COL19A1: variants seen among roughly 807,000 people sequenced by gnomAD.
COL19A1 encodes collagen alpha-1(XIX) chain.
Under a neutral mutation model 190.2 loss-of-function variants are expected in COL19A1, and 159 were observed. The ratio of observed to expected loss-of-function variants is 0.84; its 90% CI spans 0.73 to 0.95. The LOEUF is 0.95. Ranked by LOEUF, COL19A1 falls within the 40% of genes least tolerant of loss-of-function variation. COL19A1 has a pLI of 0.00. For missense variants in COL19A1, 1,418 were observed against 1,431.9 expected, an observed-to-expected ratio of 0.99 and a Z score of 0.16; for synonymous variants, 509 against 458.9, an observed-to-expected ratio of 1.11 and a Z score of -1.39.
At chr6:70,113,154 C>T (rs765702849) in intron 16 of COL19A1, among the ~76,000 whole-genome samples, 10 of 152,086 alleles carry the variant, frequency 6.6e-5, no homozygotes, top group Non-Finnish European at 1.2e-4. Flanking sequence ...GAAAAGCTAG[C>T]GAGACAAGAC....
rs1205735531 is a variant in COL19A1, at chr6:69,929,672, C to A, written c.638C>A (p.Thr213Lys). 2 of 1,612,970 alleles carry A rather than the reference C, an allele frequency of 1.2e-6. No homozygotes were observed. The highest frequency in any genetic ancestry group is 1.7e-6 in the Non-Finnish European group (2 of 1,179,420). The change falls in exon 6 of 51, where the codon ACG becomes AAG. Residue 213 changes from threonine to lysine, a missense_variant. By Grantham distance (78) the Thr-to-Lys change is moderately conservative. Transcript: ENST00000620364. ...VDFHGRTVIA[T>K]RASDGKPVDI... Reference sequence around the variant, plus strand: ...TTCCATGGACGGACAGTTATTGCTACGCGAGCTTCAGATGGCAAGCCTGTG... The same window carrying A: ...TTCCATGGACGGACAGTTATTGCTAAGCGAGCTTCAGATGGCAAGCCTGTG...
Position 70,023,658 on chromosome 6 carries a change from T to C in COL19A1, c.1058T>C (p.Leu353Pro). The C allele has an allele frequency of 1.2e-6, 2 of 1,611,080 alleles. No homozygotes were observed. Among genetic ancestry groups the C allele is most frequent in the Non-Finnish European group, 1.7e-6 (2 of 1,179,236 alleles). The change falls in exon 12 of 51, where the codon CTG (leucine) becomes CCG (proline). Residue 353 changes from leucine to proline, a missense_variant. Transcript: ENST00000620364. Reference sequence around the variant, plus strand: ...CAAGGAGAAAAAGGAGATCCAGCTCTGGCTGGCCTTAATGGAGAAAATGTA... The same window carrying C: ...CAAGGAGAAAAAGGAGATCCAGCTCCGGCTGGCCTTAATGGAGAAAATGTA... ...GEQGEKGDPA[L>P]AGLNGENGLK...
chr6:70,016,908 A>T (rs1051289067), intron 11 of COL19A1, among the ~76,000 whole-genome samples: 2 of 152,124 alleles, frequency 1.3e-5, no homozygotes, highest in Admixed American at 6.6e-5. Flanking sequence ...TACACTGCTG[A>T]TGGGAATGTA....
chr6:70,171,860 T>C (rs971426295), intron 40 of COL19A1, 104 bp from the exon 41 acceptor site: 47 of 876,416 alleles, frequency 5.4e-5, no homozygotes, highest in Non-Finnish European at 8.4e-5. Flanking sequence ...TACACATCAA[T>C]GTTTGGGGTG....
intron 2 of COL19A1, among the ~76,000 whole-genome samples, chr6:69,893,878 A>G (rs1298148108): frequency 6.6e-6 from 1 of 152,174 alleles, no homozygotes; most frequent in African/African-American, 2.4e-5. Flanking sequence ...ATTCTTTTCC[A>G]TTGATCCCAG....
chr6:69,925,003 A>G (rs548214727), intron 4 of COL19A1, among the ~76,000 whole-genome samples: 7 of 152,290 alleles, frequency 4.6e-5, no homozygotes, highest in Non-Finnish European at 1.0e-4. Flanking sequence ...TTAGATGAGT[A>G]GATTGCAAAA....
intron 11 of COL19A1, among the ~76,000 whole-genome samples, chr6:69,982,752 C>T (rs532223079): frequency 6.2e-4 from 93 of 150,814 alleles, no homozygotes; most frequent in African/African-American, 2.1e-3. Context: ...ACGGGCAGAT[C>T]ACGACGTCAG....
At chr6:70,181,012 C>T (rs1161731357) in intron 44 of COL19A1, among the ~76,000 whole-genome samples, 1 of 152,240 alleles carries the variant, frequency 6.6e-6, no homozygotes, top group African/African-American at 2.4e-5. Flanking sequence ...CTCTTGGTTA[C>T]TGATCTGTGG....
At chr6:69,942,661 G>A (rs1383773907) in intron 9 of COL19A1, among the ~76,000 whole-genome samples, 1 of 151,744 alleles carries the variant, frequency 6.6e-6, no homozygotes, top group East Asian at 1.9e-4. Context: ...TTACAACAAT[G>A]TCATTCTGAC....
intron 2 of COL19A1, chr6:69,890,305 T>C (rs551115243): frequency 7.2e-5 from 11 of 152,356 alleles, no homozygotes; most frequent in Non-Finnish European, 1.3e-4. Context: ...GCATGTCAGA[T>C]TTAACACTTC....
intron 40 of COL19A1, among the ~76,000 whole-genome samples, chr6:70,171,585 C>T (rs541872265): frequency 1.2e-4 from 18 of 152,248 alleles, no homozygotes; most frequent in Non-Finnish European, 2.4e-4. Flanking sequence ...ACAGTTTATT[C>T]TTATTCTCTG....
chr6:70,112,744 C>T (rs1784354203), intron 16 of COL19A1, among the ~76,000 whole-genome samples: 2 of 152,218 alleles, frequency 1.3e-5, no homozygotes, highest in South Asian at 4.1e-4. Flanking sequence ...GTCTCATCCT[C>T]CCACTTCTGT....
At chr6:69,924,609 T>A (rs951352892) in intron 4 of COL19A1, among the ~76,000 whole-genome samples, 15 of 151,162 alleles carry the variant, frequency 9.9e-5, no homozygotes, top group African/African-American at 3.6e-4. Context: ...ATCCTTTGGG[T>A]ATATCTGGGT....
rs571201828 is a variant in COL19A1, at chr6:69,911,958, T to C, written c.266+11620T>C. Among the ~76,000 whole-genome samples the C allele has an allele frequency of 6.6e-5, 10 of 152,342 alleles. No individual in the cohort carries two copies. In the East Asian group the frequency reaches 1.5e-3, roughly 24 times the overall value. On this transcript the variant is annotated intron_variant, in intron 4 of 50. Coordinates refer to ENST00000620364, the MANE Select transcript of COL19A1 (RefSeq NM_001858.6). ...CACTTTTACTTCTTCACACATCCCT[T>C]AGCCCATTAAAATCTGACTAGGACT...
chr6:69,990,409 A>G (rs1031743733), intron 11 of COL19A1, among the ~76,000 whole-genome samples: 4 of 152,106 alleles, frequency 2.6e-5, no homozygotes, highest in African/African-American at 9.7e-5. Flanking sequence ...CAAATTTCCA[A>G]TAGTATCATA....
chr6:69,946,158 A>G (rs558538300), intron 9 of COL19A1, among the ~76,000 whole-genome samples: 72 of 152,130 alleles, frequency 4.7e-4, no homozygotes, highest in Non-Finnish European at 9.4e-4. Flanking sequence ...GATAGGATGT[A>G]GCTTTTAACT....
chr6:70,094,916 T>C (rs1264341365), intron 15 of COL19A1, among the ~76,000 whole-genome samples: 1 of 152,186 alleles, frequency 6.6e-6, no homozygotes, highest in African/African-American at 2.4e-5. Context: ...AAAAGTTATA[T>C]TGAAATTTAA....
intron 16 of COL19A1, among the ~76,000 whole-genome samples, chr6:70,116,050 T>C (rs866997493): frequency 1.3e-5 from 2 of 152,124 alleles, no homozygotes; most frequent in Non-Finnish European, 2.9e-5. Context: ...CCCCCAATAT[T>C]TTCTATCTAA....
intron 2 of COL19A1, among the ~76,000 whole-genome samples, chr6:69,889,619 G>C (rs765469977): frequency 1.3e-5 from 2 of 152,118 alleles, no homozygotes; most frequent in Admixed American, 1.3e-4. Flanking sequence ...TCAGCGCTGT[G>C]TCTAGCTAAA....
Sources: gnomAD v4.1 joint callset for allele counts (sites outside exome capture counted in the v4.1 genomes callset) on GRCh38, gnomAD v4.1.1 for gene constraint, MANE v1.5 for transcripts, NCBI Gene and HGNC (gene_info 2026-07-23, HGNC 2026-07-21) for gene names.